OR2L13: variants seen among roughly 807,000 people sequenced by gnomAD.
The protein encoded by OR2L13 is olfactory receptor 2L13.
OR2L13 carries 14 observed loss-of-function variants against 15.3 expected under a neutral mutation model. That is an observed-to-expected ratio of 0.91 (90% CI 0.60 to 1.43). The LOEUF (loss-of-function observed/expected upper bound fraction) is 1.43. Ranked by LOEUF, OR2L13 falls within the 40% of genes most tolerant of loss-of-function variation. OR2L13 has a pLI of 0.00. For synonymous variants in OR2L13, 152 were observed against 142.9 expected (o/e 1.06, Z -0.45); for missense variants, 367 against 387.9 (o/e 0.95, Z 0.45).
At chr1:248,085,566 G>A in the OR2L13 span, among the ~76,000 whole-genome samples, 3 of 150,026 alleles carry the variant, frequency 2.0e-5, no homozygotes, top group Non-Finnish European at 4.4e-5. Flanking sequence ...GGAAGTATGT[G>A]AAATAACATA....
chr1:247,943,586 G>A, the OR2L13 span, among the ~76,000 whole-genome samples: 2 of 151,978 alleles, frequency 1.3e-5, no homozygotes, highest in South Asian at 4.2e-4. Flanking sequence ...TGAATTTATC[G>A]AAACATAACC....
At chr1:247,980,180 G>A in the OR2L13 span, among the ~76,000 whole-genome samples, 2 of 152,010 alleles carry the variant, frequency 1.3e-5, no homozygotes, top group Admixed American at 6.6e-5. Flanking sequence ...ACCCTAGATA[G>A]TATTATACCA....
the OR2L13 span, among the ~76,000 whole-genome samples, chr1:247,985,603 A>G: frequency 6.6e-6 from 1 of 152,230 alleles, no homozygotes; most frequent in Admixed American, 6.5e-5. Flanking sequence ...AGCATGATTT[A>G]TAATCCTTTG....
chr1:248,060,836 C>T, the OR2L13 span: 3 of 1,613,852 alleles, frequency 1.9e-6, no homozygotes, highest in African/African-American at 1.3e-5. Flanking sequence ...TTCTTGGACA[C>T]CCATCTCCAC....
At chr1:247,982,597 T>G in the OR2L13 span, among the ~76,000 whole-genome samples, 1 of 152,194 alleles carries the variant, frequency 6.6e-6, no homozygotes, top group African/African-American at 2.4e-5. Flanking sequence ...ATGTAGTATA[T>G]TAAATGTGTA....
At chr1:248,082,756 C>T in the OR2L13 span, among the ~76,000 whole-genome samples, 1 of 152,148 alleles carries the variant, frequency 6.6e-6, no homozygotes, top group South Asian at 2.1e-4. Flanking sequence ...CTCACCTATG[C>T]CTTGGCAGAA....
the OR2L13 span, among the ~76,000 whole-genome samples, chr1:248,011,590 C>G: frequency 2.0e-5 from 3 of 152,112 alleles, no homozygotes; most frequent in South Asian, 6.2e-4. Context: ...GTATACCAAT[C>G]AAATGTAGGT....
chr1:248,022,751 A>G, the OR2L13 span: 1 of 1,614,154 alleles, frequency 6.2e-7, no homozygotes, highest in South Asian at 1.1e-5. Flanking sequence ...GATCTCTGAC[A>G]GAGGACAAGG....
chr1:247,983,751 A>C, the OR2L13 span, among the ~76,000 whole-genome samples: 3 of 152,340 alleles, frequency 2.0e-5, no homozygotes, highest in Middle Eastern at 3.4e-3. Context: ...ATCACAGAAC[A>C]TATCTCCTGC....
chr1:248,059,745 TC>T, the OR2L13 span, among the ~76,000 whole-genome samples: 2 of 152,248 alleles, frequency 1.3e-5, no homozygotes, highest in African/African-American at 4.8e-5. Context: ...TAGAAGTAAA[TC>T]TGGCAGAATA....
the OR2L13 span, among the ~76,000 whole-genome samples, chr1:248,054,309 T>C: frequency 6.6e-6 from 1 of 152,172 alleles, no homozygotes; most frequent in Non-Finnish European, 1.5e-5. Flanking sequence ...TCTGTTCCAT[T>C]GGTCTATGTG....
At chr1:248,023,097 T>A in the OR2L13 span, 2 of 449,850 alleles carry the variant, frequency 4.4e-6, no homozygotes, top group Non-Finnish European at 7.8e-6. Flanking sequence ...AGACAGATCA[T>A]ATATTTTACA....
chr1:247,982,428 C>G, the OR2L13 span, among the ~76,000 whole-genome samples: 2 of 152,146 alleles, frequency 1.3e-5, 1 homozygote, highest in Non-Finnish European at 2.9e-5. Context: ...TTTATTATCT[C>G]ATTTTCAACT....
the OR2L13 span, chr1:247,991,207 A>G: frequency 7.7e-6 from 12 of 1,558,400 alleles, no homozygotes; most frequent in Admixed American, 3.4e-5. Flanking sequence ...GAAAATATAG[A>G]CATACGTTCT....
At chr1:248,004,032 C>T in the OR2L13 span, 1 of 1,612,580 alleles carries the variant, frequency 6.2e-7, no homozygotes, top group Non-Finnish European at 8.5e-7. Context: ...GGGGCCCTGA[C>T]ACGAGTGAGT....
At chr1:248,076,949 G>A in the OR2L13 span, among the ~76,000 whole-genome samples, 16 of 152,122 alleles carry the variant, frequency 1.1e-4, no homozygotes, top group Non-Finnish European at 1.9e-4. Context: ...TTTCAATTTT[G>A]CCCATTCAAT....
At chr1:248,067,274 C>A in the OR2L13 span, among the ~76,000 whole-genome samples, 2 of 152,258 alleles carry the variant, frequency 1.3e-5, no homozygotes, top group African/African-American at 4.8e-5. Flanking sequence ...AACTGAAACA[C>A]CTTTTCAGCC....
At chr1:248,095,840 C>A (rs529975184), upstream of OR2L13, among the ~76,000 whole-genome samples, 10 of 150,282 alleles carry the variant, frequency 6.7e-5, no homozygotes, top group African/African-American at 9.7e-5. Flanking sequence ...CTCCTGACCT[C>A]GTGATCCGCC....
the OR2L13 span, chr1:248,003,098 G>A: frequency 9.7e-7 from 1 of 1,031,700 alleles, no homozygotes; most frequent in African/African-American, 1.5e-5. Flanking sequence ...ACTTACTCGT[G>A]TCTCCCTTCC....
Sources: allele counts gnomAD v4.1 joint callset (sites outside exome capture counted in the v4.1 genomes callset), GRCh38; gene constraint gnomAD v4.1.1; transcripts MANE v1.5; gene names NCBI Gene and HGNC (gene_info 2026-07-23, HGNC 2026-07-21).